Variants in PALM2AKAP2 observed in about 807,000 individuals in gnomAD.
PALM2AKAP2 encodes the protein PALM2 and AKAP2 fusion, also known as PALM2-AKAP2 fusion protein.
Under a neutral mutation model 71.5 loss-of-function variants are expected in PALM2AKAP2, and 37 were observed. That is an observed-to-expected ratio of 0.52 (90% CI 0.40 to 0.68). PALM2AKAP2 has a LOEUF of 0.68. Ranked by LOEUF, PALM2AKAP2 falls within the 30% of genes least tolerant of loss-of-function variation. PALM2AKAP2 has a pLI of 0.00. For missense variants in PALM2AKAP2, 1,224 were observed against 1,191.8 expected, an observed-to-expected ratio of 1.03 and a Z score of -0.40; for synonymous variants, 468 against 478.8, an observed-to-expected ratio of 0.98 and a Z score of 0.29.
chr9:109,780,299 A>G, upstream of PALM2AKAP2: 8 of 1,273,394 alleles, frequency 6.3e-6, no homozygotes, highest in Non-Finnish European at 7.9e-6. Context: ...GGCGGGGGCC[A>G]GAGGCTGAGC....
chr9:110,091,459 CTTTTTTTTT>C (rs66848294), intron 1 of PALM2AKAP2, among the ~76,000 whole-genome samples: 1 of 83,652 alleles, frequency 1.2e-5, no homozygotes, highest in Non-Finnish European at 2.1e-5. Flanking sequence ...GAGATTTATT[CTTTTTTTTT>C]TTTTTTTTTT....
chr9:109,675,590 G>T lies in PALM2AKAP2; in HGVS notation c.5+34724G>T, dbSNP rs77161250. Reference sequence around the variant, plus strand: ...TATTAACAAAATGTCTCCTCATTATGTTAGCAGAATCCTGCCTATTATTTA... The same window carrying T: ...TATTAACAAAATGTCTCCTCATTATTTTAGCAGAATCCTGCCTATTATTTA... On this transcript the variant is annotated intron_variant, in intron 1 of 6. Coordinates refer to the PALM2AKAP2 transcript ENST00000374531. Among the ~76,000 whole-genome samples the T allele has an allele frequency of 9.3e-4, 142 of 152,164 alleles. 1 individual carries two copies. Among genetic ancestry groups the T allele is most frequent in the African/African-American group, 3.2e-3 (134 of 41,548 alleles).
intron 1 of PALM2AKAP2, among the ~76,000 whole-genome samples, chr9:110,115,756 G>C (rs1219536096): frequency 1.3e-5 from 2 of 152,134 alleles, no homozygotes; most frequent in African/African-American, 4.8e-5. Context: ...ACGATCGTGG[G>C]GGTGGTTCTG....
At position 110,138,169 on chromosome 9, in the gene PALM2AKAP2, G is replaced by T. The variant is rs760651898; in HGVS notation, c.2199G>T (p.Leu733=). 101 of 1,614,020 alleles carry T rather than the reference G, an allele frequency of 6.3e-5. No homozygotes were observed. In the East Asian group the frequency reaches 2.3e-3, roughly 36 times the overall value. The change falls in exon 2 of 4, where the codon CTG becomes CTT. Residue 733 remains leucine, a synonymous_variant. Transcript: ENST00000374525. Reference sequence around the variant, plus strand: ...AAAGGGATGTATTACCAAAGATTCTGCCTGCTGAAGACAGGGCGCTCAGGG... The same window carrying T: ...AAAGGGATGTATTACCAAAGATTCTTCCTGCTGAAGACAGGGCGCTCAGGG...
At chr9:109,689,449 C>G (rs556966968) in intron 1 of PALM2AKAP2, among the ~76,000 whole-genome samples, 1 of 152,238 alleles carries the variant, frequency 6.6e-6, no homozygotes, top group African/African-American at 2.4e-5. Context: ...ATCCACCCGC[C>G]TCGGCCACCC....
At chr9:109,699,623 A>G (rs1828022850) in intron 1 of PALM2AKAP2, among the ~76,000 whole-genome samples, 1 of 152,222 alleles carries the variant, frequency 6.6e-6, no homozygotes, top group African/African-American at 2.4e-5. Flanking sequence ...AAAGCATGAC[A>G]ACACAGTAAG....
intron 2 of PALM2AKAP2, among the ~76,000 whole-genome samples, chr9:109,877,722 T>C (rs1829750647): frequency 6.6e-6 from 1 of 152,176 alleles, no homozygotes; most frequent in South Asian, 2.1e-4. Context: ...ATGAGAAAAC[T>C]GAGGCTCAGT....
intron 1 of PALM2AKAP2, among the ~76,000 whole-genome samples, chr9:110,087,161 C>T (rs1834592369): frequency 6.6e-6 from 1 of 152,210 alleles, no homozygotes; most frequent in Non-Finnish European, 1.5e-5. Flanking sequence ...GCTAACTCTA[C>T]CCCACTTTAA....
chr9:109,835,437 C>T (rs1316263104), intron 1 of PALM2AKAP2, among the ~76,000 whole-genome samples: 2 of 152,138 alleles, frequency 1.3e-5, no homozygotes, highest in African/African-American at 4.8e-5. Context: ...CTCCAGTCTA[C>T]AGCTCCCAGC....
intron 1 of PALM2AKAP2, among the ~76,000 whole-genome samples, chr9:109,764,497 C>T (rs1464083773): frequency 4.6e-5 from 7 of 152,194 alleles, no homozygotes; most frequent in African/African-American, 9.7e-5. Context: ...CTCTGAGATG[C>T]CTTCCTGGAC....
intron 3 of PALM2AKAP2, among the ~76,000 whole-genome samples, chr9:109,908,962 A>G (rs1157498340): frequency 1.3e-5 from 2 of 152,238 alleles, no homozygotes; most frequent in Non-Finnish European, 2.9e-5. Context: ...ACAATCTGGT[A>G]TGAAAGCCCA....
At chr9:109,692,795 T>C (rs1402521843) in intron 1 of PALM2AKAP2, among the ~76,000 whole-genome samples, 2 of 152,016 alleles carry the variant, frequency 1.3e-5, no homozygotes, top group East Asian at 1.9e-4. Context: ...CCTCCCTTGG[T>C]CATGATGTAT....
chr9:109,758,157 A>G (rs796140477), intron 1 of PALM2AKAP2, among the ~76,000 whole-genome samples: 11 of 152,200 alleles, frequency 7.2e-5, no homozygotes, highest in African/African-American at 2.6e-4. Flanking sequence ...TTTTTGATTT[A>G]TAATATATCT....
chr9:109,890,764 G>C (rs1321740395), intron 3 of PALM2AKAP2, among the ~76,000 whole-genome samples: 4 of 152,164 alleles, frequency 2.6e-5, no homozygotes, highest in African/African-American at 7.2e-5. Flanking sequence ...GCAAAGTGAA[G>C]AATCAGAGAA....
At chr9:109,990,401 G>A (rs1832456442) in intron 6 of PALM2AKAP2, among the ~76,000 whole-genome samples, 1 of 152,176 alleles carries the variant, frequency 6.6e-6, no homozygotes, top group Non-Finnish European at 1.5e-5. Context: ...ATGTCTTCAT[G>A]AAGATGCAAC....
chr9:109,702,910 C>G (rs1286398321), intron 1 of PALM2AKAP2, among the ~76,000 whole-genome samples: 1 of 151,734 alleles, frequency 6.6e-6, no homozygotes, highest in East Asian at 1.9e-4. Flanking sequence ...CCTCCGCTTC[C>G]CAGGTTCAAG....
intron 3 of PALM2AKAP2, among the ~76,000 whole-genome samples, chr9:109,910,567 G>A (rs868717068): frequency 1.6e-4 from 24 of 152,206 alleles, no homozygotes; most frequent in African/African-American, 5.5e-4. Flanking sequence ...CATCATGGAG[G>A]AAGAGTGATC....
intron 1 of PALM2AKAP2, chr9:109,867,206 C>CTG (rs1250948686): frequency 8.4e-5 from 17 of 203,584 alleles, no homozygotes; most frequent in East Asian, 2.8e-4. Context: ...GTGTGTGTGT[C>CTG]TGTGTGTGTG....
Position 109,924,859 on chromosome 9 carries a change from A to G in PALM2AKAP2, c.373-202A>G, listed in dbSNP as rs950333974. 2.0e-5 allele frequency among the ~76,000 whole-genome samples: 3 copies of G among 152,212 alleles called. No homozygotes were observed. In the East Asian group the frequency reaches 5.8e-4, roughly 29 times the overall value. On this transcript the variant is annotated intron_variant, in intron 4 of 9. Transcript: ENST00000302798. ...CATTGAAATAAATCTCTATTGGGAGAAATTTAGTATAAATTGGGAATTATA... is the reference window on the plus strand; with the variant it reads ...CATTGAAATAAATCTCTATTGGGAGGAATTTAGTATAAATTGGGAATTATA...
Sources: allele counts gnomAD v4.1 joint callset (sites outside exome capture counted in the v4.1 genomes callset), GRCh38; gene constraint gnomAD v4.1.1; transcripts MANE v1.5; gene names NCBI Gene and HGNC (gene_info 2026-07-23, HGNC 2026-07-21).